CTNNA2: variants seen among roughly 807,000 people sequenced by gnomAD.
The protein encoded by CTNNA2 is catenin alpha 2.
In CTNNA2, 42 loss-of-function variants were observed where a neutral mutation model predicts 101.0. That is an observed-to-expected ratio of 0.42 (90% CI 0.32 to 0.54). CTNNA2 has a LOEUF of 0.54. Among genes scored for constraint, CTNNA2 ranks in the 20% least tolerant of loss-of-function variants. The pLI is 0.14. For missense variants in CTNNA2, 871 were observed against 1,223.1 expected (o/e 0.71, Z 4.29); for synonymous variants, 450 against 456.4 (o/e 0.99, Z 0.18).
At chr2:79,460,774 C>T (rs1454088604) in intron 4 of CTNNA2, among the ~76,000 whole-genome samples, 1 of 152,160 alleles carries the variant, frequency 6.6e-6, no homozygotes, top group Non-Finnish European at 1.5e-5. Flanking sequence ...ACACCAGGAA[C>T]ATTAAAAACT....
chr2:79,556,411 A>G (rs1199651197), intron 1 of CTNNA2, among the ~76,000 whole-genome samples: 1 of 152,034 alleles, frequency 6.6e-6, no homozygotes, highest in African/African-American at 2.4e-5. Flanking sequence ...GACCCCAGCT[A>G]GCACTTTTAT....
At chr2:79,806,441 T>G (rs1676579904) in intron 3 of CTNNA2, among the ~76,000 whole-genome samples, 1 of 152,048 alleles carries the variant, frequency 6.6e-6, no homozygotes, top group Non-Finnish European at 1.5e-5. Context: ...GAATGAAGTT[T>G]TATGTTAAAA....
At chr2:80,564,131 G>A (rs749810066) in intron 12 of CTNNA2, among the ~76,000 whole-genome samples, 1 of 152,088 alleles carries the variant, frequency 6.6e-6, no homozygotes, top group Non-Finnish European at 1.5e-5. Flanking sequence ...TAATGATCAA[G>A]ATAAGAATCT....
intron 4 of CTNNA2, among the ~76,000 whole-genome samples, chr2:79,446,922 G>C (rs1369553478): frequency 1.3e-5 from 2 of 151,958 alleles, no homozygotes; most frequent in Non-Finnish European, 2.9e-5. Context: ...CTCCAAATGT[G>C]ATTAGAGAAA....
At chr2:79,530,916 G>A (rs1316766191) in intron 1 of CTNNA2, among the ~76,000 whole-genome samples, 1 of 151,986 alleles carries the variant, frequency 6.6e-6, no homozygotes, top group Admixed American at 6.6e-5. Flanking sequence ...TCCTAGAGTA[G>A]GTAGACAGAA....
In CTNNA2 at chr2:80,419,435, T is replaced by C; in HGVS notation, c.1138-14T>C. On this transcript the variant is annotated splice_polypyrimidine_tract_variant and intron_variant, in intron 8 of 18. Transcript: ENST00000402739. ...TTAATTGTATGTCATTTTTTGTTTT[T>C]GTTTCAACTGTAGCTTCGGAAAGCA... is the stretch of plus-strand genomic sequence containing the variant. 1 of 1,589,164 alleles carries C rather than the reference T, an allele frequency of 6.3e-7. No homozygotes were observed. The highest frequency in any genetic ancestry group is 8.6e-7 in the Non-Finnish European group (1 of 1,165,780).
At position 80,215,169 on chromosome 2, in the gene CTNNA2, T is replaced by C. The variant is rs568879275; in HGVS notation, c.1057-178042T>C. On this transcript the variant is annotated intron_variant, in intron 7 of 18. Coordinates refer to ENST00000402739, the MANE Select transcript of CTNNA2 (RefSeq NM_001282597.3). ...AGTTAGCCATTTGTCTAGTCTTTTT[T>C]TCAAGGTTTTTAGCTTCTTTACAAT... Among the ~76,000 whole-genome samples the C allele has an allele frequency of 6.6e-5, 10 of 152,308 alleles. No individual in the cohort carries two copies. In the East Asian group the frequency reaches 9.7e-4, roughly 15 times the overall value.
chr2:80,110,020 C>T (rs1028857324), intron 7 of CTNNA2, among the ~76,000 whole-genome samples: 1 of 152,152 alleles, frequency 6.6e-6, no homozygotes, highest in East Asian at 1.9e-4. Flanking sequence ...ACCGTAGGAT[C>T]CCATTCACAG....
intron 9 of CTNNA2, among the ~76,000 whole-genome samples, chr2:80,436,469 G>A (rs1345032589): frequency 6.6e-6 from 1 of 151,928 alleles, no homozygotes; most frequent in Non-Finnish European, 1.5e-5. Context: ...ACAACAACGG[G>A]GGTTTGGGGA....
At chr2:79,614,683 C>G (rs1255790357) in intron 1 of CTNNA2, among the ~76,000 whole-genome samples, 8 of 151,956 alleles carry the variant, frequency 5.3e-5, no homozygotes, top group African/African-American at 1.9e-4. Context: ...ATGCTTTTTC[C>G]CAATATTTTT....
At chr2:79,843,958 T>C (rs1408562374) in intron 3 of CTNNA2, among the ~76,000 whole-genome samples, 1 of 152,214 alleles carries the variant, frequency 6.6e-6, no homozygotes, top group South Asian at 2.1e-4. Flanking sequence ...ATCAGCAGGC[T>C]AGGTTATTCT....
In CTNNA2 at chr2:80,093,483, A is replaced by G. The variant is rs1699925847; in HGVS notation, c.1056+183686A>G. ...TAAACATACGTGTGTATGTGTCTTT[A>G]TAGCAGTATGATTTATAATCCTTTG... On this transcript the variant is annotated intron_variant, in intron 7 of 18. Coordinates refer to ENST00000402739, the MANE Select transcript of CTNNA2 (RefSeq NM_001282597.3). Among the ~76,000 whole-genome samples, 5 of 152,290 alleles carry G rather than the reference A, an allele frequency of 3.3e-5. No homozygotes were observed. In the South Asian group the frequency reaches 1.0e-3, roughly 32 times the overall value.
Position 80,315,769 on chromosome 2 carries a change from A to T in CTNNA2, c.1057-77442A>T, listed in dbSNP as rs116477180. ...GAATTTATAGTTGTTTTTGCAGTTT[A>T]AGTACAGCAGCAGTGGTGGCTTAAT... On this transcript the variant is annotated intron_variant, in intron 7 of 18. Transcript: ENST00000402739. Among the ~76,000 whole-genome samples, 782 of 152,324 alleles carry T rather than the reference A, an allele frequency of 5.1e-3. 3 individuals are homozygous for T. The highest frequency in any genetic ancestry group is 7.8e-3 in the Non-Finnish European group (534 of 68,028).
At chr2:79,546,995 G>C (rs1033304955) in intron 1 of CTNNA2, among the ~76,000 whole-genome samples, 2 of 126,536 alleles carry the variant, frequency 1.6e-5, no homozygotes, top group Non-Finnish European at 3.5e-5. Context: ...TGAAAAGAAC[G>C]CTTGATGTAC....
At chr2:79,354,915 T>A (rs1281321455) in intron 3 of CTNNA2, among the ~76,000 whole-genome samples, 1 of 152,166 alleles carries the variant, frequency 6.6e-6, no homozygotes, top group Admixed American at 6.5e-5. Flanking sequence ...TAAAGTATGA[T>A]GACTTACCCC....
At chr2:80,188,269 G>A (rs928354044) in intron 7 of CTNNA2, among the ~76,000 whole-genome samples, 9 of 152,182 alleles carry the variant, frequency 5.9e-5, no homozygotes, top group Non-Finnish European at 1.2e-4. Flanking sequence ...TGAATGTGAA[G>A]ATCCTTGCAA....
chr2:79,507,739 G>C (rs1484353883), intron 5 of CTNNA2, among the ~76,000 whole-genome samples: 1 of 152,136 alleles, frequency 6.6e-6, no homozygotes, highest in Non-Finnish European at 1.5e-5. Context: ...AAGGTCAGCT[G>C]TTTCCCAAAG....
chr2:79,882,739 C>T (rs1329196454), intron 6 of CTNNA2, among the ~76,000 whole-genome samples: 2 of 152,238 alleles, frequency 1.3e-5, no homozygotes, highest in African/African-American at 4.8e-5. Flanking sequence ...TCACTACTCC[C>T]CCTGGGAGCT....
chr2:80,580,460 G>C (rs1311699728), intron 13 of CTNNA2, among the ~76,000 whole-genome samples: 1 of 152,122 alleles, frequency 6.6e-6, no homozygotes, highest in Non-Finnish European at 1.5e-5. Context: ...TGAGAAGTAT[G>C]TTTGGAGTCA....
Sources: allele counts gnomAD v4.1 joint callset (sites outside exome capture counted in the v4.1 genomes callset), GRCh38; gene constraint gnomAD v4.1.1; transcripts MANE v1.5; gene names NCBI Gene and HGNC (gene_info 2026-07-23, HGNC 2026-07-21).